Variants in GABRB3 observed in about 807,000 individuals in gnomAD.
GABRB3 encodes gamma-aminobutyric acid receptor subunit beta-3.
A neutral mutation model predicts 52.1 loss-of-function variants in GABRB3; 14 were observed. The observed-to-expected ratio is 0.27, with a 90% CI of 0.18 to 0.42. The LOEUF is 0.42. GABRB3 is among the 10% of genes least tolerant of loss of function. GABRB3 has a pLI of 1.00. For synonymous variants in GABRB3, 260 were observed against 232.3 expected (o/e 1.12, Z -1.08); for missense variants, 307 against 609.1 (o/e 0.50, Z 5.22).
At chr15:26,623,958 G>T (rs868417246) in intron 3 of GABRB3, among the ~76,000 whole-genome samples, 1 of 152,058 alleles carries the variant, frequency 6.6e-6, no homozygotes, top group African/African-American at 2.4e-5. Flanking sequence ...CTGATCTGTC[G>T]GCCTTGCCTG....
intron 3 of GABRB3, among the ~76,000 whole-genome samples, chr15:26,690,189 C>T (rs898018578): frequency 1.3e-5 from 2 of 149,106 alleles, no homozygotes; most frequent in African/African-American, 2.4e-5. Flanking sequence ...GTGATCCTCC[C>T]GCCACAGCAT....
intron 3 of GABRB3, among the ~76,000 whole-genome samples, chr15:26,740,103 G>C (rs1204179553): frequency 6.6e-6 from 1 of 152,084 alleles, no homozygotes; most frequent in Non-Finnish European, 1.5e-5. Flanking sequence ...ACAACAATCG[G>C]CAGCTTCCCA....
chr15:26,576,714 A>G (rs750782078), intron 6 of GABRB3, among the ~76,000 whole-genome samples: 1 of 152,188 alleles, frequency 6.6e-6, no homozygotes. Flanking sequence ...TGAGAAGCTA[A>G]TTAGAACATC....
chr15:26,731,011 C>T (rs555945741), intron 3 of GABRB3, among the ~76,000 whole-genome samples: 87 of 152,080 alleles, frequency 5.7e-4, no homozygotes, highest in South Asian at 1.9e-3. Context: ...GCCACTGCTG[C>T]GAAGTCTTAT....
At chr15:26,669,456 G>A (rs1407422724) in intron 3 of GABRB3, among the ~76,000 whole-genome samples, 1 of 152,106 alleles carries the variant, frequency 6.6e-6, no homozygotes, top group Non-Finnish European at 1.5e-5. Context: ...GTCTGCCATG[G>A]GGTAGGTGTC....
At chr15:26,746,935 A>T (rs1280594100) in intron 3 of GABRB3, among the ~76,000 whole-genome samples, 1 of 152,156 alleles carries the variant, frequency 6.6e-6, no homozygotes, top group African/African-American at 2.4e-5. Context: ...TGCAGTGAGC[A>T]GAGATCGCAC....
At chr15:26,756,497 G>C (rs747219782) in intron 3 of GABRB3, among the ~76,000 whole-genome samples, 1 of 151,994 alleles carries the variant, frequency 6.6e-6, no homozygotes, top group Non-Finnish European at 1.5e-5. Flanking sequence ...AGGGTCACTT[G>C]AGCGCAGGAG....
chr15:26,747,481 A>G (rs1890379121), intron 3 of GABRB3, among the ~76,000 whole-genome samples: 1 of 152,124 alleles, frequency 6.6e-6, no homozygotes, highest in Non-Finnish European at 1.5e-5. Flanking sequence ...TCTTAGAGTG[A>G]TTCTGAATGT....
chr15:26,554,998 T>C (rs112000452), intron 8 of GABRB3, among the ~76,000 whole-genome samples: 5,385 of 152,086 alleles, frequency 0.035, 116 homozygotes, highest in Non-Finnish European at 0.046. Flanking sequence ...GCCAACATGA[T>C]GAAACCCTGT....
Position 26,545,194 on chromosome 15 carries a change from TTGTGTGTGTG to T in GABRB3, c.*2589_*2598del, listed in dbSNP as rs10569776. The T allele has an allele frequency of 1.3e-5, 2 of 149,740 alleles. No homozygotes were observed. The highest frequency in any genetic ancestry group is 2.5e-5 in the African/African-American group (1 of 40,744). 9.3% of individuals were successfully genotyped at this position (149,740 alleles called of 1,614,324 possible). On this transcript the variant is annotated 3_prime_UTR_variant, in exon 9 of 9. Transcript: ENST00000311550. ...GTTTTTACAGAATATATGTATGTAT[TTGTGTGTGTG>T]TGTGTGTGTGTGTGTGTAGTTACAA... is the stretch of plus-strand genomic sequence containing the variant.
chr15:26,616,799 G>A (rs1417117596), intron 4 of GABRB3, among the ~76,000 whole-genome samples: 1 of 151,870 alleles, frequency 6.6e-6, no homozygotes, highest in Non-Finnish European at 1.5e-5. Flanking sequence ...TATTTTCTTG[G>A]TTGATCTTAC....
chr15:26,772,273 C>T, intron 3 of GABRB3, 129 bp downstream of exon 3: 1 of 763,484 alleles, frequency 1.3e-6, no homozygotes, highest in Non-Finnish European at 2.1e-6. Context: ...CCTGGGAGCG[C>T]GGCTCCCTCT....
At chr15:26,672,880 CA>C (rs1178286126) in intron 3 of GABRB3, among the ~76,000 whole-genome samples, 9 of 152,126 alleles carry the variant, frequency 5.9e-5, no homozygotes, top group Non-Finnish European at 2.9e-5. Context: ...AAGGAGACAG[CA>C]AAAGAAAATG....
At chr15:26,740,956 T>C (rs1453553980) in intron 3 of GABRB3, among the ~76,000 whole-genome samples, 3 of 152,086 alleles carry the variant, frequency 2.0e-5, no homozygotes, top group Non-Finnish European at 4.4e-5. Context: ...GAGCCGACTC[T>C]GAGTCAGAAT....
Position 26,547,916 on chromosome 15 carries a change from T to C in GABRB3, c.1299A>G (p.Ser433=). 5 of 1,614,200 alleles carry C rather than the reference T, an allele frequency of 3.1e-6. No individual in the cohort carries two copies. The highest frequency in any genetic ancestry group is 4.2e-6 in the Non-Finnish European group (5 of 1,180,026). ...GATCAGGTATTTTAATTTTGAGCTG[T>C]GAAGACCTCCTCCGTAGATGGGTCT... ...HKKTHLRRRS[S]QLKIKIPDLT... is the part of the protein sequence containing the mutation. Residue 433 remains serine (S), a synonymous_variant, in exon 9 of 9, where the codon TCA becomes TCG. Transcript: ENST00000311550.
intron 8 of GABRB3, among the ~76,000 whole-genome samples, chr15:26,554,176 G>GAGTA (rs71420007): frequency 4.0e-4 from 11 of 27,336 alleles, no homozygotes; most frequent in African/African-American, 9.1e-4. Context: ...TATATATAAA[G>GAGTA]TATATATATA....
chr15:26,579,936 C>G (rs1473016372), intron 6 of GABRB3, among the ~76,000 whole-genome samples: 1 of 152,190 alleles, frequency 6.6e-6, no homozygotes, highest in East Asian at 1.9e-4. Context: ...GCAGCTTACT[C>G]TTGGGAGGAG....
intron 3 of GABRB3, among the ~76,000 whole-genome samples, chr15:26,656,420 T>C (rs1207696746): frequency 6.6e-6 from 1 of 152,212 alleles, no homozygotes; most frequent in Admixed American, 6.5e-5. Flanking sequence ...TGCTGCAAAC[T>C]TACGATTTTT....
intron 7 of GABRB3, among the ~76,000 whole-genome samples, chr15:26,565,867 T>C (rs1243495868): frequency 2.0e-5 from 3 of 152,180 alleles, no homozygotes; most frequent in African/African-American, 7.2e-5. Flanking sequence ...ATACGCCTCT[T>C]CTAGGCTTGG....
Sources: allele counts gnomAD v4.1 joint callset (sites outside exome capture counted in the v4.1 genomes callset), GRCh38; gene constraint gnomAD v4.1.1; transcripts MANE v1.5; gene names NCBI Gene and HGNC (gene_info 2026-07-23, HGNC 2026-07-21).